The following TSC2 variants were observed in gnomAD, a reference collection of about 807,000 sequenced individuals.
TSC2 encodes the protein TSC complex subunit 2.
A neutral mutation model predicts 202.2 loss-of-function variants in TSC2; 29 were observed. The ratio of observed to expected loss-of-function variants is 0.14; its 90% confidence interval spans 0.11 to 0.20. The LOEUF is 0.20. TSC2 is among the 10% of genes least tolerant of loss of function. TSC2 has a pLI of 1.00. For synonymous variants in TSC2, 1,349 were observed against 1,044.0 expected, an observed-to-expected ratio of 1.29 and a Z score of -5.63; for missense variants, 2,429 against 2,420.0, an observed-to-expected ratio of 1.00 and a Z score of -0.08.
chr16:2,074,159 G>C, intron 21 of TSC2, 41 bp from the exon 22 acceptor site: 1 of 1,608,532 alleles, frequency 6.2e-7, no homozygotes, highest in Non-Finnish European at 8.5e-7. Context: ...GGCTGCCTCT[G>C]CTGCAAGCGG....
rs569800006 is a variant in TSC2 at position 2,085,823 on chromosome 16, C to T, written c.4663-370C>T. ...GCCTGGGCTGCTTCTGAGCAGAGGGCACATGGCCTGACTCCGCCCAGTCTC... is the reference window on the plus strand; with the variant it reads ...GCCTGGGCTGCTTCTGAGCAGAGGGTACATGGCCTGACTCCGCCCAGTCTC... On this transcript the variant is annotated intron_variant, in intron 36 of 41. Coordinates refer to ENST00000219476, the MANE Select transcript of TSC2 (RefSeq NM_000548.5). Among the ~76,000 whole-genome samples the T allele has an allele frequency of 1.4e-4, 21 of 152,208 alleles. No individual in the cohort carries two copies. In the South Asian group the frequency reaches 4.1e-3, roughly 30 times the overall value.
chr16:2,081,551 G>A lies in TSC2; in HGVS notation c.3611-44G>A, dbSNP rs1415025043. The A allele has an allele frequency of 5.6e-6, 9 of 1,611,734 alleles. No homozygotes were observed. In the South Asian group the frequency reaches 9.9e-5, roughly 18 times the overall value. On this transcript the variant is annotated intron_variant, in intron 30 of 41. Transcript: ENST00000219476. Reference sequence around the variant, plus strand: ...CCCCTGGGGGGCCAGAGATGGGTAAGGGGAGGTACTGGCCTCAGGCCAAAG... The same window carrying A: ...CCCCTGGGGGGCCAGAGATGGGTAAAGGGAGGTACTGGCCTCAGGCCAAAG...
Position 2,088,759 on chromosome 16 carries a change from G to T in TSC2, c.*149G>T, listed in dbSNP as rs1299264024. Reference sequence around the variant, plus strand: ...CTTTGTCTGCTTGGTGCGGGGGTTGGGGGGGTGTCGAGGCTCTAGAAGCGG... The same window carrying T: ...CTTTGTCTGCTTGGTGCGGGGGTTGTGGGGGTGTCGAGGCTCTAGAAGCGG... On this transcript the variant is annotated 3_prime_UTR_variant, in exon 42 of 42. Coordinates refer to ENST00000219476, the MANE Select transcript of TSC2 (RefSeq NM_000548.5). 1.3e-5 allele frequency: 15 copies of T among 1,161,960 alleles called. No individual in the cohort carries two copies. The highest frequency in any genetic ancestry group is 4.7e-5 in the African/African-American group (3 of 64,440). The allele number at this position is 1,161,960 out of a possible 1,614,324, so 72.0% of individuals were successfully genotyped here.
chr16:2,087,858 G>C lies in TSC2; in HGVS notation c.4990-5G>C, dbSNP rs753000765. 2 of 1,612,490 alleles carry C rather than the reference G, an allele frequency of 1.2e-6. No homozygotes were observed. The highest frequency in any genetic ancestry group is 1.7e-6 in the Non-Finnish European group (2 of 1,179,906). On this transcript the variant is annotated splice_polypyrimidine_tract_variant and splice_region_variant and intron_variant, in intron 38 of 41. Transcript: ENST00000219476. ...CGGGGATGACCCTTTCTCTTGTCCG[G>C]GCAGGGCCAGTTCAACTTTGTCCAC...
In TSC2 at chr16:2,071,837, C is replaced by T. The variant is rs781533796; in HGVS notation, c.2000C>T (p.Thr667Ile). The change falls in exon 19 of 42, where the codon ACA becomes ATA. Residue 667 changes from threonine to isoleucine, a missense_variant. Physicochemically the swap from Thr to Ile is moderately conservative, Grantham distance 89 (BLOSUM62 -1). Coordinates refer to ENST00000219476, the MANE Select transcript of TSC2 (RefSeq NM_000548.5). ...ACCAGCGGCCCCCTTTCTCCTCCCA[C>T]AGGGCCTCCTGGCCCGGCGCCTGCA... ...KKTSGPLSPP[T>I]GPPGPAPAGP... 4 of 1,591,726 alleles carry T rather than the reference C, an allele frequency of 2.5e-6. No individual in the cohort carries two copies. Among genetic ancestry groups the T allele is most frequent in the African/African-American group, 1.3e-5 (1 of 74,160 alleles).
At chr16:2,068,247 C>T (rs2087680199) in intron 16 of TSC2, among the ~76,000 whole-genome samples, 1 of 152,132 alleles carries the variant, frequency 6.6e-6, no homozygotes, top group Non-Finnish European at 1.5e-5. Context: ...ACCATGTTGG[C>T]CAGGCTGGTC....
chr16:2,077,782 C>T, intron 26 of TSC2, 56 bp downstream of exon 26: 2 of 1,604,896 alleles, frequency 1.2e-6, no homozygotes, highest in Non-Finnish European at 1.7e-6. Context: ...CCGTGAGCAC[C>T]TGGGTGGCAG....
intron 22 of TSC2, 200 bp downstream of exon 22, chr16:2,074,589 C>T (rs376330268): frequency 1.1e-5 from 7 of 661,968 alleles, no homozygotes; most frequent in Admixed American, 2.4e-5. Flanking sequence ...TCTCACCCCT[C>T]TAGTGTCCAT....
At chr16:2,064,833 G>C (rs1596314141) in intron 15 of TSC2, 1 of 311,620 alleles carries the variant, frequency 3.2e-6, no homozygotes, top group Non-Finnish European at 6.2e-6. Flanking sequence ...AAAGATGAAG[G>C]CCGGGCACAG....
In TSC2 at chr16:2,079,486, C is replaced by A. The variant is rs1208666316; in HGVS notation, c.3284+58C>A. On this transcript the variant is annotated intron_variant, in intron 28 of 41. Transcript: ENST00000219476. The surrounding 1 kb of genome is among the most constrained non-coding windows in gnomAD (Gnocchi z 4.6). ...AGCCTCGACACCGGCTGTCCCGAGCCCAGGCCCACGTGGCACCCTCGTACC... is the reference window on the plus strand; with the variant it reads ...AGCCTCGACACCGGCTGTCCCGAGCACAGGCCCACGTGGCACCCTCGTACC... 1 of 1,609,958 alleles carries A rather than the reference C, an allele frequency of 6.2e-7. No individual in the cohort carries two copies. Among genetic ancestry groups the A allele is most frequent in the African/African-American group, 1.3e-5 (1 of 75,020 alleles).
At chr16:2,053,963 C>T (rs2085448500) in intron 4 of TSC2, 3 of 454,132 alleles carry the variant, frequency 6.6e-6, no homozygotes, top group Non-Finnish European at 1.2e-5. Flanking sequence ...CCACTCAGGC[C>T]TTGTCCTCAG....
Position 2,089,241 on chromosome 16 carries a change from G to A in TSC2, c.*631G>A, listed in dbSNP as rs999612084. ...GCCCCTCAGCCCTAGTGAAAATAGT[G>A]ACATACAAAAATATACACATTTTAA... On this transcript the variant is annotated 3_prime_UTR_variant, in exon 42 of 42. Coordinates refer to ENST00000219476, the MANE Select transcript of TSC2 (RefSeq NM_000548.5). 5.7e-6 allele frequency: 1 copy of A among 175,072 alleles called. No homozygotes were observed. The highest frequency in any genetic ancestry group is 1.2e-5 in the Non-Finnish European group (1 of 82,334). 10.8% of individuals were successfully genotyped at this position (175,072 alleles called of 1,614,324 possible).
chr16:2,048,338 C>G lies in TSC2; in HGVS notation c.-29-249C>G, dbSNP rs550892051. 1.1e-5 allele frequency: 10 copies of G among 913,544 alleles called. No individual in the cohort carries two copies. In the East Asian group the frequency reaches 2.4e-4, roughly 22 times the overall value. 56.6% of individuals were successfully genotyped at this position (913,544 alleles called of 1,614,324 possible). A position where few individuals can be genotyped will look rare whatever the true frequency, so the allele number is the denominator to read the frequency against. On this transcript the variant is annotated intron_variant, in intron 1 of 41. Coordinates refer to ENST00000219476, the MANE Select transcript of TSC2 (RefSeq NM_000548.5). Reference sequence around the variant, plus strand: ...CGCGGCGGCAGTCCTAACCCGTGCACTGAGTCGGGCGGGGCGGGCGGCAGC... The same window carrying G: ...CGCGGCGGCAGTCCTAACCCGTGCAGTGAGTCGGGCGGGGCGGGCGGCAGC...
At chr16:2,070,807 G>C (rs2088200239) in intron 17 of TSC2, among the ~76,000 whole-genome samples, 6 of 152,252 alleles carry the variant, frequency 3.9e-5, no homozygotes, top group African/African-American at 1.4e-4. Context: ...GGTGACATGG[G>C]TTGGGGCAGA....
chr16:2,086,844 T>C lies in TSC2; in HGVS notation c.4962T>C (p.Gly1654=). ...TGTCCATTGTCTACAATGACTCCGG[T>C]GAGGACTTCAAGCTTGGCACCATCA... ...DFVSIVYNDS[G]EDFKLGTIKG... Residue 1654 remains glycine (G), a synonymous_variant, in exon 38 of 42, where the codon GGT becomes GGC. Transcript: ENST00000219476. 6.2e-7 allele frequency: 1 copy of C among 1,602,848 alleles called. No individual in the cohort carries two copies.
Position 2,070,540 on chromosome 16 carries a change from A to C in TSC2, c.1801A>C (p.Ser601Arg). Residue 601 changes from serine (S) to arginine (R), a missense_variant, in exon 17 of 42, where the codon AGC becomes CGC. By Grantham distance (110) the Ser-to-Arg change is moderately radical (BLOSUM62 -1). Coordinates refer to ENST00000219476, the MANE Select transcript of TSC2 (RefSeq NM_000548.5). Reference sequence around the variant, plus strand: ...CCACATTCAGCTCCACTACAAGCACAGCTACACCCTGCCAATCGCGAGCAG... The same window carrying C: ...CCACATTCAGCTCCACTACAAGCACCGCTACACCCTGCCAATCGCGAGCAG... Reference protein sequence around the residue: ...VSHIQLHYKHSYTLPIASSIR... With the variant: ...VSHIQLHYKHRYTLPIASSIR... 1 of 1,613,290 alleles carries C rather than the reference A, an allele frequency of 6.2e-7. No individual in the cohort carries two copies.
At chr16:2,074,907 G>T (rs74002769) in intron 22 of TSC2, 4,729 of 222,342 alleles carry the variant, frequency 0.021, 243 homozygotes, top group African/African-American at 0.098. Flanking sequence ...CTGTTTTGTT[G>T]ATAACCCTTT....
Position 2,083,748 on chromosome 16 carries a change from G to A in TSC2, c.3937G>A (p.Glu1313Lys), listed in dbSNP as rs45517321. ...TCCGGGCGAGGTTCCTGTGCTGGTGGAGCCCCCAGGGTTGGAGGACGTTGA... is the reference window on the plus strand; with the variant it reads ...TCCGGGCGAGGTTCCTGTGCTGGTGAAGCCCCCAGGGTTGGAGGACGTTGA... ...GSPGEVPVLV[E>K]PPGLEDVEAA... The change falls in exon 33 of 42, where the codon GAG becomes AAG. Residue 1313 changes from glutamate to lysine, a missense_variant. Transcript: ENST00000219476. 1 of 1,607,596 alleles carries A rather than the reference G, an allele frequency of 6.2e-7. No homozygotes were observed. The highest frequency in any genetic ancestry group is 8.5e-7 in the Non-Finnish European group (1 of 1,178,082).
At chr16:2,053,209 C>A in intron 3 of TSC2, 133 bp from the exon 4 acceptor site, 1 of 877,404 alleles carries the variant, frequency 1.1e-6, no homozygotes, top group South Asian at 1.4e-5. Flanking sequence ...GAGATACGAG[C>A]TTTGGAGGTG....
Sources: allele counts gnomAD v4.1 joint callset (sites outside exome capture counted in the v4.1 genomes callset), GRCh38; gene constraint gnomAD v4.1.1; non-coding constraint Gnocchi (gnomAD v3.1); transcripts MANE v1.5; gene names NCBI Gene and HGNC (gene_info 2026-07-23, HGNC 2026-07-21).